Variants in DTWD1 observed in about 807,000 individuals in gnomAD.
DTWD1 encodes the protein DTW motif tRNA-uridine aminocarboxypropyltransferase 1, also known as tRNA-uridine aminocarboxypropyltransferase 1.
A neutral mutation model predicts 30.2 loss-of-function variants in DTWD1; 27 were observed. That is an observed-to-expected ratio of 0.90 (90% CI 0.66 to 1.23). DTWD1 has a LOEUF of 1.23. Among genes scored for constraint, DTWD1 ranks in the 50% most tolerant of loss-of-function variants. DTWD1 has a pLI of 0.00. For synonymous variants in DTWD1, 99 were observed against 113.1 expected (o/e 0.88, Z 0.79); for missense variants, 342 against 348.8 (o/e 0.98, Z 0.15).
chr15:49,653,397 G>A lies in DTWD1; in HGVS notation c.*9819G>A, dbSNP rs1223433847. On this transcript the variant is annotated 3_prime_UTR_variant, in exon 5 of 5. Transcript: ENST00000403028. ...AGCAAAGAAACAGATTCTTTCCAGA[G>A]TGTCCAGAAAGGAATGCAGTTCAGC... is the stretch of plus-strand genomic sequence containing the variant. The A allele has an allele frequency of 6.6e-6, 1 of 152,136 alleles. No individual in the cohort carries two copies. The highest frequency in any genetic ancestry group is 1.9e-4 in the East Asian group (1 of 5,184). 9.4% of individuals were successfully genotyped at this position (152,136 alleles called of 1,614,324 possible). A position where few individuals can be genotyped will look rare whatever the true frequency, so the allele number is the denominator to read the frequency against.
chr15:49,623,470 T>C (rs1193631403), intron 1 of DTWD1, among the ~76,000 whole-genome samples: 2 of 151,946 alleles, frequency 1.3e-5, no homozygotes, highest in African/African-American at 4.8e-5. Context: ...CACTTTGTTG[T>C]CCAGACTGTT....
At chr15:49,622,526 T>C (rs1290040784) in intron 1 of DTWD1, among the ~76,000 whole-genome samples, 2 of 152,202 alleles carry the variant, frequency 1.3e-5, no homozygotes, top group Non-Finnish European at 2.9e-5. Flanking sequence ...GGACGCACCA[T>C]CAAGGTGTTA....
intron 1 of DTWD1, 53 bp from the exon 2 acceptor site, chr15:49,625,047 CTTTGTAGACTGAG>C (rs1230196840): frequency 3.9e-6 from 4 of 1,022,674 alleles, no homozygotes; most frequent in Admixed American, 5.7e-5. Flanking sequence ...GAGTAATTTT[CTTTGTAGACTGAG>C]TAAAATGTTT....
chr15:49,643,679 A>G lies in DTWD1; in HGVS notation c.*101A>G. ...GAAATAATCATATATAATGCCTGTA[A>G]GACCATTTGAAAAAATTCCAGTTTC... On this transcript the variant is annotated 3_prime_UTR_variant, in exon 5 of 5. Transcript: ENST00000403028. 1.6e-6 allele frequency: 2 copies of G among 1,247,106 alleles called. No homozygotes were observed. Among genetic ancestry groups the G allele is most frequent in the Non-Finnish European group, 2.1e-6 (2 of 941,302 alleles). The allele number at this position is 1,247,106 out of a possible 1,614,324, so 77.3% of individuals were successfully genotyped here. A position where few individuals can be genotyped will look rare whatever the true frequency, so the allele number is the denominator to read the frequency against.
Position 49,643,711 on chromosome 15 carries a change from A to G in DTWD1, c.*133A>G. ...TTGAAAAAATTCCAGTTTCATATAT[A>G]TCACTTCATATTTCTTGAAGGAAAT... On this transcript the variant is annotated 3_prime_UTR_variant, in exon 5 of 5. Coordinates refer to ENST00000403028, the MANE Select transcript of DTWD1 (RefSeq NM_001144955.2). 4 of 925,448 alleles carry G rather than the reference A, an allele frequency of 4.3e-6. No homozygotes were observed. The highest frequency in any genetic ancestry group is 6.0e-6 in the Non-Finnish European group (4 of 669,434). The allele number at this position is 925,448 out of a possible 1,614,324, so 57.3% of individuals were successfully genotyped here.
rs2079170789 is a variant in DTWD1, at chr15:49,655,033, C to T, written c.*11455C>T. On this transcript the variant is annotated 3_prime_UTR_variant, in exon 5 of 5. Transcript: ENST00000403028. Reference sequence around the variant, plus strand: ...AATCTCATCATGGAGGGTCTTCAACCTCATGGCTTCTTGGAACCAAATTAC... The same window carrying T: ...AATCTCATCATGGAGGGTCTTCAACTTCATGGCTTCTTGGAACCAAATTAC... 1 of 152,054 alleles carries T rather than the reference C, an allele frequency of 6.6e-6. No individual in the cohort carries two copies. The allele number at this position is 152,054 out of a possible 1,614,324, so 9.4% of individuals were successfully genotyped here.
chr15:49,650,091 T>TAC lies in DTWD1; in HGVS notation c.*6519_*6520dup, dbSNP rs1006258809. 4.6e-5 allele frequency: 7 copies of TAC among 152,070 alleles called. No individual in the cohort carries two copies. Among genetic ancestry groups the TAC allele is most frequent in the South Asian group, 2.1e-4 (1 of 4,822 alleles). 9.4% of individuals were successfully genotyped at this position (152,070 alleles called of 1,614,324 possible). On this transcript the variant is annotated 3_prime_UTR_variant, in exon 5 of 5. Coordinates refer to ENST00000403028, the MANE Select transcript of DTWD1 (RefSeq NM_001144955.2). ...ATATGTGTGTGTCTATATATATATA[T>TAC]ACACACAAAGGTACTGAGGCAGCAG...
chr15:49,636,796 A>C (rs765695078), intron 4 of DTWD1, among the ~76,000 whole-genome samples: 8 of 152,328 alleles, frequency 5.3e-5, no homozygotes, highest in Non-Finnish European at 1.0e-4. Flanking sequence ...AGGTGAATTC[A>C]TACTTTATTG....
rs2079119462 is a variant in DTWD1, at chr15:49,646,496, T to A, written c.*2918T>A. On this transcript the variant is annotated 3_prime_UTR_variant, in exon 5 of 5. Coordinates refer to ENST00000403028, the MANE Select transcript of DTWD1 (RefSeq NM_001144955.2). ...CCATATGTTCAGAATCCCTGGCCTATAACAACACTTCTGTGCTTTAAAAAC... is the reference window on the plus strand; with the variant it reads ...CCATATGTTCAGAATCCCTGGCCTAAAACAACACTTCTGTGCTTTAAAAAC... The A allele has an allele frequency of 6.6e-6, 1 of 152,084 alleles. No individual in the cohort carries two copies. Among genetic ancestry groups the A allele is most frequent in the Non-Finnish European group, 1.5e-5 (1 of 68,024 alleles). 9.4% of individuals were successfully genotyped at this position (152,084 alleles called of 1,614,324 possible).
At position 49,647,025 on chromosome 15, in the gene DTWD1, G is replaced by A. The variant is rs952349804; in HGVS notation, c.*3447G>A. The A allele has an allele frequency of 7.9e-5, 12 of 152,184 alleles. No homozygotes were observed. The highest frequency in any genetic ancestry group is 2.9e-4 in the African/African-American group (12 of 41,452). The allele number at this position is 152,184 out of a possible 1,614,324, so 9.4% of individuals were successfully genotyped here. On this transcript the variant is annotated 3_prime_UTR_variant, in exon 5 of 5. Coordinates refer to ENST00000403028, the MANE Select transcript of DTWD1 (RefSeq NM_001144955.2). The stretch of plus-strand genomic sequence containing the variant: ...TTACCCCAATGTGAGAATTACTGGG[G>A]TAATAAAGGTCTGGAAGGCTGCAGC...
At chr15:49,633,043 C>CTATATATATCTATA (rs368196512) in intron 3 of DTWD1, among the ~76,000 whole-genome samples, 1 of 129,492 alleles carries the variant, frequency 7.7e-6, no homozygotes, top group Non-Finnish European at 1.6e-5. Context: ...CTATTTATAT[C>CTATATATATCTATA]TATATCTATA....
rs1342860398 is a variant in DTWD1, at chr15:49,646,653, G to A, written c.*3075G>A. ...TAAATTGCTCTTCTTCTGATGGACT[G>A]TATAGAGACACTGTTTTTCATCTTG... On this transcript the variant is annotated 3_prime_UTR_variant, in exon 5 of 5. Transcript: ENST00000403028. 6.6e-6 allele frequency: 1 copy of A among 152,144 alleles called. No individual in the cohort carries two copies. Among genetic ancestry groups the A allele is most frequent in the Non-Finnish European group, 1.5e-5 (1 of 68,036 alleles). The allele number at this position is 152,144 out of a possible 1,614,324, so 9.4% of individuals were successfully genotyped here.
chr15:49,631,153 C>A (rs988491657), intron 2 of DTWD1: 1 of 187,316 alleles, frequency 5.3e-6, no homozygotes, highest in Non-Finnish European at 1.2e-5. Context: ...ATCCCCAAAC[C>A]CTCTCCCCAA....
chr15:49,631,848 T>C (rs113399774), intron 2 of DTWD1, among the ~76,000 whole-genome samples: 64 of 152,294 alleles, frequency 4.2e-4, no homozygotes, highest in African/African-American at 1.5e-3. Flanking sequence ...TTGGCACACA[T>C]GGTGAAATGC....
At chr15:49,636,681 A>G (rs1256423295) in intron 4 of DTWD1, among the ~76,000 whole-genome samples, 2 of 152,134 alleles carry the variant, frequency 1.3e-5, no homozygotes, top group African/African-American at 2.4e-5. Flanking sequence ...AGGGTTGTCT[A>G]TGTCTAGTTT....
chr15:49,633,194 A>G (rs1043322085), intron 3 of DTWD1, among the ~76,000 whole-genome samples: 2 of 151,822 alleles, frequency 1.3e-5, no homozygotes, highest in African/African-American at 4.8e-5. Context: ...AATAGAATGT[A>G]GTGCTATGTT....
intron 4 of DTWD1, among the ~76,000 whole-genome samples, chr15:49,638,621 C>T (rs1294514661): frequency 6.6e-6 from 1 of 152,156 alleles, no homozygotes; most frequent in African/African-American, 2.4e-5. Context: ...TTTAAAACTT[C>T]GTCATTTCGT....
chr15:49,629,975 T>C (rs952485642), intron 2 of DTWD1: 2 of 152,140 alleles, frequency 1.3e-5, no homozygotes, highest in African/African-American at 4.8e-5. Context: ...AAATTTGAAA[T>C]TGAAATTATT....
At chr15:49,623,209 T>C (rs17402569) in intron 1 of DTWD1, among the ~76,000 whole-genome samples, 27,768 of 152,188 alleles carry the variant, frequency 0.18, 3,134 homozygotes, top group Non-Finnish European at 0.25. Flanking sequence ...CAGGTTGAGC[T>C]ACTCCAATCA....
Sources: gnomAD v4.1 joint callset for allele counts (sites outside exome capture counted in the v4.1 genomes callset) on GRCh38, gnomAD v4.1.1 for gene constraint, MANE v1.5 for transcripts, NCBI Gene and HGNC (gene_info 2026-07-23, HGNC 2026-07-21) for gene names.